EVPL: variants seen among roughly 807,000 people sequenced by gnomAD.
The protein encoded by EVPL is 210 kDa cornified envelope precursor protein.
EVPL carries 94 observed loss-of-function variants against 129.7 expected under a neutral mutation model. That is an observed-to-expected ratio of 0.72 (90% CI 0.61 to 0.86). The LOEUF is 0.86. Among genes scored for constraint, EVPL ranks in the 40% least tolerant of loss-of-function variants. The pLI is 0.00. For missense variants in EVPL, 2,625 were observed against 2,721.1 expected (o/e 0.96, Z 0.79); for synonymous variants, 1,172 against 1,191.1 (o/e 0.98, Z 0.33).
chr17:76,007,108 G>T lies in EVPL; in HGVS notation c.6097C>A (p.Arg2033Ser). The T allele has an allele frequency of 6.8e-7, 1 of 1,460,290 alleles. No homozygotes were observed. The highest frequency in any genetic ancestry group is 9.1e-7 in the Non-Finnish European group (1 of 1,104,888). 90.5% of individuals were successfully genotyped at this position (1,460,290 alleles called of 1,614,324 possible). A position where few individuals can be genotyped will look rare whatever the true frequency, so the allele number is the denominator to read the frequency against. ...SASPTVPRSL[R>S] ...CACTGGCTCCTTGGCCCGTGTCAGCGAAGGGAGCGCGGGACGGTGGGGGAG... is the reference window on the plus strand; with the variant it reads ...CACTGGCTCCTTGGCCCGTGTCAGCTAAGGGAGCGCGGGACGGTGGGGGAG... Residue 2033 changes from arginine (R) to serine (S), a missense_variant, in exon 22 of 22, where the codon CGC (arginine) becomes AGC (serine). Physicochemically the swap from Arg to Ser is moderately radical, Grantham distance 110 (BLOSUM62 -1). Around this residue, in one of 4 missense-constraint regions of EVPL, gnomAD observed 1,453 missense variants for 1,511.8 expected, o/e 0.96. Coordinates refer to ENST00000301607, the MANE Select transcript of EVPL (RefSeq NM_001988.4). The surrounding 1 kb of genome is among the most constrained non-coding windows in gnomAD (Gnocchi z 8.8).
rs1320416109 is a variant in EVPL at position 76,024,606 on chromosome 17, C to T, written c.99-486G>A. 6.6e-6 allele frequency among the ~76,000 whole-genome samples: 1 copy of T among 152,116 alleles called. No homozygotes were observed. The highest frequency in any genetic ancestry group is 1.9e-4 in the East Asian group (1 of 5,176). On this transcript the variant is annotated intron_variant, in intron 1 of 21. Transcript: ENST00000301607. The surrounding 1 kb of genome is among the most constrained non-coding windows in gnomAD (Gnocchi z 4.5). Reference sequence around the variant, plus strand: ...CCTGTGTTCCCCTATACCTCCTCCACCCCAGGGAGCCTTGCCAGCATGCTG... The same window carrying T: ...CCTGTGTTCCCCTATACCTCCTCCATCCCAGGGAGCCTTGCCAGCATGCTG...
In EVPL at chr17:76,022,470, G is replaced by A. The variant is rs1275534820; in HGVS notation, c.549C>T (p.Asn183=). The change falls in exon 5 of 22, where the codon AAC becomes AAT. Residue 183 remains asparagine (N), a synonymous_variant. Transcript: ENST00000301607. This position sits in a 1 kb window ranked among gnomAD's most constrained non-coding sequence, Gnocchi z 5.6. ...AELEQQIAEH[N]ILQKEIDAYG... Reference sequence around the variant, plus strand: ...AGGCGTCGATCTCCTTCTGCAGGATGTTGTGCTCGGCGATCTGTTGCTCCA... The same window carrying A: ...AGGCGTCGATCTCCTTCTGCAGGATATTGTGCTCGGCGATCTGTTGCTCCA... 1.9e-6 allele frequency: 3 copies of A among 1,613,494 alleles called. No homozygotes were observed. The highest frequency in any genetic ancestry group is 2.7e-5 in the African/African-American group (2 of 74,942).
chr17:76,020,469 G>C (rs188063553), intron 9 of EVPL, among the ~76,000 whole-genome samples: 1 of 152,320 alleles, frequency 6.6e-6, no homozygotes, highest in Non-Finnish European at 1.5e-5. Flanking sequence ...CGGAGAAGAA[G>C]CTGTGCTTTA....
At chr17:76,026,668 G>A (rs1189034869) in intron 1 of EVPL, among the ~76,000 whole-genome samples, 1 of 152,160 alleles carries the variant, frequency 6.6e-6, no homozygotes, top group Non-Finnish European at 1.5e-5. Flanking sequence ...GGCTCCAGGG[G>A]TCATCCCAGC....
Position 76,007,240 on chromosome 17 carries a change from C to A in EVPL, c.5965G>T (p.Glu1989Ter). 6.4e-7 allele frequency: 1 copy of A among 1,570,894 alleles called. No homozygotes were observed. The highest frequency in any genetic ancestry group is 8.6e-7 in the Non-Finnish European group (1 of 1,156,968). The change falls in exon 22 of 22, where the codon GAA (glutamate) becomes TAA (stop). Residue 1989 changes from glutamate to a stop codon, truncating the protein, a stop_gained. Transcript: ENST00000301607. LOFTEE classifies it low-confidence loss of function (END_TRUNC). This position sits in a 1 kb window ranked among gnomAD's most constrained non-coding sequence, Gnocchi z 8.8. ...ATGGCCTCCTTGTAGCTCAGCCGTT[C>A]CTTGGAGATGGGGTCTGTCAAATCC... is the stretch of plus-strand genomic sequence containing the variant. ...EKDLTDPISK[E>*]RLSYKEAMGR...
Position 76,022,643 on chromosome 17 carries a change from C to T in EVPL, c.481-105G>A, listed in dbSNP as rs1356780527. 16 of 1,446,334 alleles carry T rather than the reference C, an allele frequency of 1.1e-5. No individual in the cohort carries two copies. The highest frequency in any genetic ancestry group is 1.4e-5 in the African/African-American group (1 of 70,636). The allele number at this position is 1,446,334 out of a possible 1,614,324, so 89.6% of individuals were successfully genotyped here. A position where few individuals can be genotyped will look rare whatever the true frequency, so the allele number is the denominator to read the frequency against. On this transcript the variant is annotated intron_variant, in intron 4 of 21. Coordinates refer to ENST00000301607, the MANE Select transcript of EVPL (RefSeq NM_001988.4). This position sits in a 1 kb window ranked among gnomAD's most constrained non-coding sequence, Gnocchi z 5.6. ...AGTGGACTTGGTCATTTGGGCAGAG[C>T]GTGGACGAGCCTGGGAGCAGCCCGG...
Position 76,019,568 on chromosome 17 carries a change from C to A in EVPL, c.1097G>T (p.Gly366Val). 6.3e-7 allele frequency: 1 copy of A among 1,574,848 alleles called. No individual in the cohort carries two copies. The highest frequency in any genetic ancestry group is 8.6e-7 in the Non-Finnish European group (1 of 1,165,156). The change falls in exon 10 of 22, where the codon GGC becomes GTC. Residue 366 changes from glycine (G) to valine (V), a missense_variant. Around this residue, in one of 4 missense-constraint regions of EVPL, gnomAD observed 1,024 missense variants for 997.5 expected, o/e 1.03. Coordinates refer to ENST00000301607, the MANE Select transcript of EVPL (RefSeq NM_001988.4). ...LDAKYSPAPG[G>V]PPGAPTELLQ... ...CAGCTCTGTGGGGGCGCCAGGGGGG[C>A]CCCCAGGTGCAGGGCTGTACTTGGC...
Position 76,023,270 on chromosome 17 carries a change from GGT to G in EVPL, c.480+20_480+21del. 1.2e-6 allele frequency: 2 copies of G among 1,613,474 alleles called. No individual in the cohort carries two copies. On this transcript the variant is annotated intron_variant, in intron 4 of 21. Transcript: ENST00000301607. ...CCGTATCGCCCTCTGATCACACTGG[GGT>G]GTGACTTTGAGTTCCTGACCTGTTT...
At chr17:76,014,219 C>G (rs912691746) in intron 18 of EVPL, among the ~76,000 whole-genome samples, 1 of 152,214 alleles carries the variant, frequency 6.6e-6, no homozygotes, top group African/African-American at 2.4e-5. Flanking sequence ...GCTCTGTGGC[C>G]TGAGCTTGTA....
intron 2 of EVPL, 117 bp from the exon 3 acceptor site, chr17:76,023,771 G>A (rs1328279928): frequency 4.2e-6 from 6 of 1,428,720 alleles, no homozygotes; most frequent in Middle Eastern, 2.6e-4. Context: ...CAACCTTGAG[G>A]CCCACGCCAG....
rs2066368301 is a variant in EVPL at position 76,010,436 on chromosome 17, C to T, written c.2769G>A (p.Glu923=). The change falls in exon 22 of 22, where the codon GAG becomes GAA. Residue 923 remains glutamate (E), a synonymous_variant. Coordinates refer to ENST00000301607, the MANE Select transcript of EVPL (RefSeq NM_001988.4). ...GCACCCGGGCCACCCGCTTCCTCTCCTCTTCCAGCTGGGCCTTCAGGGCCT... is the reference window on the plus strand; with the variant it reads ...GCACCCGGGCCACCCGCTTCCTCTCTTCTTCCAGCTGGGCCTTCAGGGCCT... ...ESEALKAQLE[E]ERKRVARVQH... is the part of the protein sequence containing the mutation. The T allele has an allele frequency of 6.2e-7, 1 of 1,613,936 alleles. No homozygotes were observed. Among genetic ancestry groups the T allele is most frequent in the Admixed American group, 1.7e-5 (1 of 60,004 alleles).
Position 76,011,817 on chromosome 17 carries a change from G to T in EVPL, c.2523C>A (p.Pro841=), listed in dbSNP as rs1174122605. 6.2e-7 allele frequency: 1 copy of T among 1,613,026 alleles called. No individual in the cohort carries two copies. Among genetic ancestry groups the T allele is most frequent in the South Asian group, 1.1e-5 (1 of 91,042 alleles). Residue 841 remains proline, a synonymous_variant, in exon 20 of 22, where the codon CCC becomes CCA. Transcript: ENST00000301607. The part of the protein sequence containing the change: ...SLEPTLAVSA[P]KRPRVAPLQE... ...GCAGGGGAGCCACTCGGGGTCTCTT[G>T]GGGGCTGACACTGCCAGGGTGGGCT...
chr17:76,012,935 G>A (rs533629741), intron 18 of EVPL, among the ~76,000 whole-genome samples: 81 of 151,722 alleles, frequency 5.3e-4, no homozygotes, highest in Middle Eastern at 3.4e-3. Flanking sequence ...TAGTAGAGAT[G>A]GGGTTTCACC....
chr17:76,025,936 A>G (rs1249076769), intron 1 of EVPL, among the ~76,000 whole-genome samples: 1 of 152,196 alleles, frequency 6.6e-6, no homozygotes, highest in Non-Finnish European at 1.5e-5. Context: ...TGGAAAAGGA[A>G]GCCCCAGCTC....
chr17:76,023,244 T>G, intron 4 of EVPL, 48 bp downstream of exon 4: 1 of 1,609,350 alleles, frequency 6.2e-7, no homozygotes, highest in Non-Finnish European at 8.5e-7. Flanking sequence ...TAAATGCAGT[T>G]CCGTATCGCC....
At chr17:76,026,771 C>T (rs1026899615) in intron 1 of EVPL, among the ~76,000 whole-genome samples, 4 of 152,352 alleles carry the variant, frequency 2.6e-5, no homozygotes, top group African/African-American at 9.6e-5. Flanking sequence ...GTCTCCCAGC[C>T]TCTGGCAGAG....
rs955339745 is a variant in EVPL at position 76,013,511 on chromosome 17, T to C, written c.2373+915A>G. Among the ~76,000 whole-genome samples, 4 of 152,196 alleles carry C rather than the reference T, an allele frequency of 2.6e-5. No individual in the cohort carries two copies. The highest frequency in any genetic ancestry group is 5.9e-5 in the Non-Finnish European group (4 of 68,038). On this transcript the variant is annotated intron_variant, in intron 18 of 21. Coordinates refer to ENST00000301607, the MANE Select transcript of EVPL (RefSeq NM_001988.4). The surrounding 1 kb of genome is among the most constrained non-coding windows in gnomAD (Gnocchi z 4.3). ...CTCTCCCCAAATATGCTCTGTTTCC[T>C]GTGTTCCCGCCTCAAGTGGAGGTGC...
intron 13 of EVPL, 63 bp from the exon 14 acceptor site, chr17:76,017,974 C>T (rs774048544): frequency 5.4e-5 from 87 of 1,597,008 alleles, no homozygotes; most frequent in Non-Finnish European, 7.3e-5. Context: ...TAGGTGCCCC[C>T]ACCAGGTGCC....
chr17:76,018,628 T>G lies in EVPL; in HGVS notation c.1285-28A>C, dbSNP rs776492171. ...GGGGGCACAGAAAGGGAGCAGCTCC[T>G]GAGGGCTCAGGGGCAGGGGGCCAAG... On this transcript the variant is annotated intron_variant, in intron 11 of 21. Coordinates refer to ENST00000301607, the MANE Select transcript of EVPL (RefSeq NM_001988.4). 4 of 1,579,366 alleles carry G rather than the reference T, an allele frequency of 2.5e-6. No individual in the cohort carries two copies. In the South Asian group the frequency reaches 3.4e-5, roughly 14 times the overall value.
Sources: allele counts gnomAD v4.1 joint callset (sites outside exome capture counted in the v4.1 genomes callset), GRCh38; gene constraint gnomAD v4.1.1; regional missense constraint gnomAD v4.1.1; non-coding constraint Gnocchi (gnomAD v3.1); transcripts MANE v1.5; gene names NCBI Gene and HGNC (gene_info 2026-07-23, HGNC 2026-07-21).